Variants in STK32B observed in about 807,000 individuals in gnomAD.
STK32B encodes the protein serine/threonine-protein kinase 32B.
Under a neutral mutation model 52.6 loss-of-function variants are expected in STK32B, and 43 were observed. The ratio of observed to expected loss-of-function variants is 0.82; its 90% CI spans 0.64 to 1.05. The LOEUF (loss-of-function observed/expected upper bound fraction) is 1.05, where lower values mean the gene tolerates loss of function less well. Ranked by LOEUF, STK32B falls within the 50% of genes least tolerant of loss-of-function variation. The probability of loss-of-function intolerance (pLI) is 0.00; values close to 1 mark genes in which losing one functional copy is unlikely to be tolerated. For synonymous variants in STK32B, 238 were observed against 204.3 expected (o/e 1.17, Z -1.41); for missense variants, 621 against 534.6 (o/e 1.16, Z -1.59).
intron 4 of STK32B, among the ~76,000 whole-genome samples, chr4:5,334,842 G>A (rs1271156069): frequency 3.6e-4 from 55 of 152,150 alleles, no homozygotes; most frequent in African/African-American, 1.2e-3. Context: ...TGATCATGGT[G>A]GATAAGCTTT....
At chr4:5,456,434 G>T (rs922957996) in intron 7 of STK32B, among the ~76,000 whole-genome samples, 11 of 152,238 alleles carry the variant, frequency 7.2e-5, no homozygotes, top group African/African-American at 2.4e-4. Context: ...GCTATGACTG[G>T]AGGTGTCCGT....
intron 1 of STK32B, among the ~76,000 whole-genome samples, chr4:5,098,174 T>C (rs1713506604): frequency 6.6e-6 from 1 of 152,166 alleles, no homozygotes; most frequent in Middle Eastern, 3.2e-3. Context: ...TCTCTTGATG[T>C]GAGGACCTGA....
intron 11 of STK32B, among the ~76,000 whole-genome samples, chr4:5,472,939 C>T (rs1717953573): frequency 6.6e-6 from 1 of 151,872 alleles, no homozygotes; most frequent in South Asian, 2.1e-4. Context: ...TAATCTCTGC[C>T]CTCTACCTAC....
At chr4:5,144,964 A>G (rs1040428930) in intron 2 of STK32B, among the ~76,000 whole-genome samples, 1 of 152,224 alleles carries the variant, frequency 6.6e-6, no homozygotes. Flanking sequence ...ACAGTCAACT[A>G]TAGTCCACTC....
intron 3 of STK32B, among the ~76,000 whole-genome samples, chr4:5,212,366 A>T (rs12646775): frequency 6.6e-6 from 1 of 152,052 alleles, no homozygotes; most frequent in African/African-American, 2.4e-5. Context: ...GACACCTCTC[A>T]AAACAAGCAA....
intron 3 of STK32B, among the ~76,000 whole-genome samples, chr4:5,292,449 A>G (rs1198065731): frequency 6.6e-6 from 1 of 151,812 alleles, no homozygotes; most frequent in Non-Finnish European, 1.5e-5. Flanking sequence ...TTCTTCAGAG[A>G]CGTGTCTATT....
At chr4:5,131,793 G>C (rs1026002716) in intron 1 of STK32B, among the ~76,000 whole-genome samples, 6 of 152,174 alleles carry the variant, frequency 3.9e-5, no homozygotes, top group African/African-American at 1.4e-4. Context: ...TGACCACCCT[G>C]TCTAAAATTG....
At position 5,331,393 on chromosome 4, in the gene STK32B, G is replaced by C; in HGVS notation, c.434G>C (p.Arg145Thr). 1 of 1,608,434 alleles carries C rather than the reference G, an allele frequency of 6.2e-7. No individual in the cohort carries two copies. Among genetic ancestry groups the C allele is most frequent in the Non-Finnish European group, 8.5e-7 (1 of 1,176,572 alleles). ...CTTCAGAGGTACCACATCATCCACA[G>C]GTAACTGGGCTGCTGGCGGGATGCC... ...EYLQRYHIIH[R>T]DIKPDNILLD... is the part of the protein sequence containing the mutation. The change falls in exon 4 of 12, where the codon AGA becomes ACA. Residue 145 changes from arginine (R) to threonine (T), a missense_variant and splice_region_variant. Coordinates refer to ENST00000282908, the MANE Select transcript of STK32B (RefSeq NM_018401.3).
chr4:5,471,554 T>C (rs1346048931), intron 11 of STK32B, among the ~76,000 whole-genome samples: 2 of 152,010 alleles, frequency 1.3e-5, no homozygotes, highest in African/African-American at 4.8e-5. Context: ...GGGAATACAT[T>C]TCTGTTGTTT....
intron 3 of STK32B, among the ~76,000 whole-genome samples, chr4:5,317,539 G>GTATA (rs373146893): frequency 0.027 from 2,444 of 92,098 alleles, 89 homozygotes; most frequent in Middle Eastern, 0.033. Context: ...TATATTACAT[G>GTATA]TATATATATA....
intron 6 of STK32B, among the ~76,000 whole-genome samples, chr4:5,444,832 T>G (rs900080245): frequency 2.0e-5 from 3 of 152,210 alleles, no homozygotes; most frequent in African/African-American, 7.2e-5. Flanking sequence ...GGTAAGTCAC[T>G]TATCACTAAC....
At chr4:5,439,377 G>GT (rs1316006506) in intron 6 of STK32B, among the ~76,000 whole-genome samples, 1 of 151,782 alleles carries the variant, frequency 6.6e-6, no homozygotes, top group African/African-American at 2.4e-5. Flanking sequence ...TTTTTCATGT[G>GT]TTTTTTGGCT....
chr4:5,210,905 C>A (rs1349337727), intron 3 of STK32B, among the ~76,000 whole-genome samples: 3 of 151,770 alleles, frequency 2.0e-5, no homozygotes, highest in Non-Finnish European at 4.4e-5. Flanking sequence ...AGGTGATCCT[C>A]CCACCTCAGC....
chr4:5,221,292 A>G (rs982358682), intron 3 of STK32B, among the ~76,000 whole-genome samples: 3 of 152,206 alleles, frequency 2.0e-5, no homozygotes, highest in Admixed American at 1.3e-4. Flanking sequence ...TTTTACAGCA[A>G]TAAAATGCAC....
chr4:5,025,297 G>A, the STK32B span, among the ~76,000 whole-genome samples: 3 of 150,750 alleles, frequency 2.0e-5, no homozygotes, highest in African/African-American at 2.5e-5. Context: ...ATCCCCCATA[G>A]TGATGTGAGG....
At chr4:5,080,958 C>T (rs896486080) in intron 1 of STK32B, among the ~76,000 whole-genome samples, 1 of 152,160 alleles carries the variant, frequency 6.6e-6, no homozygotes, top group African/African-American at 2.4e-5. Flanking sequence ...CTATATTCCC[C>T]AGCCCCCAAC....
chr4:5,155,095 G>C (rs1302594355), intron 2 of STK32B, among the ~76,000 whole-genome samples: 2 of 152,092 alleles, frequency 1.3e-5, no homozygotes, highest in Non-Finnish European at 2.9e-5. Flanking sequence ...TTCTACCTCA[G>C]AACCTTCACA....
chr4:5,331,220 G>A lies in STK32B; in HGVS notation c.261G>A (p.Trp87Ter), dbSNP rs1210596036. Residue 87 changes from tryptophan to a stop codon, truncating the protein, a stop_gained and splice_region_variant, in exon 4 of 12, where the codon TGG (tryptophan) becomes TGA (stop). Transcript: ENST00000282908. LOFTEE classifies it high-confidence loss of function. ...CTTCTCTGTCCTTCTGTGCTCCTAG[G>A]TACTCCTTCCAGGATGAGGAGGACA... The part of the protein sequence containing the change: ...GLEHPFLVNL[W>*]YSFQDEEDMF... 1.2e-6 allele frequency: 2 copies of A among 1,611,272 alleles called. No individual in the cohort carries two copies. Among genetic ancestry groups the A allele is most frequent in the Non-Finnish European group, 1.7e-6 (2 of 1,178,580 alleles).
intron 3 of STK32B, among the ~76,000 whole-genome samples, chr4:5,198,338 G>A (rs140858876): frequency 1.3e-5 from 2 of 152,298 alleles, no homozygotes; most frequent in Admixed American, 6.5e-5. Context: ...CTCTTTGACC[G>A]CCTTTTCACC....
Sources: allele counts gnomAD v4.1 joint callset (sites outside exome capture counted in the v4.1 genomes callset), GRCh38; gene constraint gnomAD v4.1.1; transcripts MANE v1.5; gene names NCBI Gene and HGNC (gene_info 2026-07-23, HGNC 2026-07-21).